Variants in GPR39 observed in about 807,000 individuals in gnomAD.
GPR39 encodes the protein G protein-coupled receptor 39, also known as zinc sensing receptor.
A neutral mutation model predicts 18.4 loss-of-function variants in GPR39; 23 were observed. That is an observed-to-expected ratio of 1.25 (90% confidence interval 0.90 to 1.77). The LOEUF is 1.77. Among genes scored for constraint, GPR39 ranks in the 40% most tolerant of loss-of-function variants. The pLI is 0.00. For missense variants in GPR39, 647 were observed against 602.4 expected (o/e 1.07, Z -0.78); for synonymous variants, 280 against 257.9 (o/e 1.09, Z -0.82).
intron 1 of GPR39, among the ~76,000 whole-genome samples, chr2:132,559,857 C>G (rs1018558557): frequency 1.3e-5 from 2 of 152,092 alleles, no homozygotes; most frequent in Non-Finnish European, 1.5e-5. Flanking sequence ...GAGTACATTT[C>G]TAACAAGTTC....
At chr2:132,492,652 T>TATATATACACACCATATATATATAAA (rs1681507288) in intron 1 of GPR39, among the ~76,000 whole-genome samples, 1 of 136,664 alleles carries the variant, frequency 7.3e-6, no homozygotes, top group Non-Finnish European at 1.5e-5. Flanking sequence ...CTATATATAA[T>TATATATACACACCATATATATATAAA]ATATATACAC....
chr2:132,431,099 G>T (rs1191684435), intron 1 of GPR39, among the ~76,000 whole-genome samples: 4 of 152,140 alleles, frequency 2.6e-5, no homozygotes, highest in Non-Finnish European at 5.9e-5. Context: ...CATGTCTCCT[G>T]CCTTGTAAGC....
intron 1 of GPR39, among the ~76,000 whole-genome samples, chr2:132,495,674 T>C (rs1266875174): frequency 2.6e-5 from 4 of 152,150 alleles, no homozygotes; most frequent in African/African-American, 9.7e-5. Flanking sequence ...GTTTCAAATT[T>C]CCTGCCAGGG....
chr2:132,520,291 G>A (rs927436808), intron 1 of GPR39, among the ~76,000 whole-genome samples: 3 of 152,190 alleles, frequency 2.0e-5, no homozygotes, highest in Admixed American at 6.5e-5. Context: ...TCAAATATAT[G>A]CACATCAATC....
intron 1 of GPR39, among the ~76,000 whole-genome samples, chr2:132,527,362 C>G (rs948906938): frequency 1.3e-5 from 2 of 152,080 alleles, no homozygotes; most frequent in African/African-American, 4.8e-5. Flanking sequence ...TGGGTTGGTT[C>G]TTTGTCTTTG....
chr2:132,578,067 GTTTT>G (rs34297392), intron 1 of GPR39, among the ~76,000 whole-genome samples: 1 of 131,756 alleles, frequency 7.6e-6, no homozygotes, highest in African/African-American at 2.8e-5. Flanking sequence ...TTTTTCTAGA[GTTTT>G]TTTTTTTTTT....
chr2:132,455,976 C>G (rs932306983), intron 1 of GPR39, among the ~76,000 whole-genome samples: 1 of 152,152 alleles, frequency 6.6e-6, no homozygotes, highest in African/African-American at 2.4e-5. Context: ...GTGGAGAATT[C>G]TGTAGATGTC....
At chr2:132,461,505 A>T (rs184176649) in intron 1 of GPR39, among the ~76,000 whole-genome samples, 1 of 152,348 alleles carries the variant, frequency 6.6e-6, no homozygotes, top group East Asian at 1.9e-4. Flanking sequence ...ATCAAGAAAC[A>T]TTTAAAATAA....
intron 1 of GPR39, among the ~76,000 whole-genome samples, chr2:132,578,928 A>G (rs533243167): frequency 3.3e-5 from 5 of 152,086 alleles, no homozygotes; most frequent in African/African-American, 1.2e-4. Context: ...TCAAAGAAAC[A>G]GCTATTTTTA....
intron 1 of GPR39, among the ~76,000 whole-genome samples, chr2:132,433,455 T>C (rs1484445744): frequency 1.3e-5 from 2 of 152,070 alleles, no homozygotes; most frequent in African/African-American, 4.8e-5. Context: ...AGTGATCTCG[T>C]GGGCTTCTCA....
chr2:132,636,070 A>C (rs940294579), intron 1 of GPR39, among the ~76,000 whole-genome samples: 3 of 152,154 alleles, frequency 2.0e-5, no homozygotes, highest in African/African-American at 7.2e-5. Flanking sequence ...GTTGATGAGT[A>C]CACCCCATAT....
At chr2:132,614,818 G>A (rs976251516) in intron 1 of GPR39, among the ~76,000 whole-genome samples, 2 of 152,042 alleles carry the variant, frequency 1.3e-5, no homozygotes, top group African/African-American at 4.8e-5. Context: ...TGGGATTACA[G>A]GCATGAGCCA....
intron 1 of GPR39, among the ~76,000 whole-genome samples, chr2:132,587,451 G>A (rs915374275): frequency 6.6e-6 from 1 of 152,214 alleles, no homozygotes; most frequent in Non-Finnish European, 1.5e-5. Context: ...GTGTATATTT[G>A]TTGTTACTTG....
intron 1 of GPR39, among the ~76,000 whole-genome samples, chr2:132,425,070 G>A (rs1000432057): frequency 6.6e-6 from 1 of 152,146 alleles, no homozygotes; most frequent in African/African-American, 2.4e-5. Context: ...ATTGCTCAAT[G>A]GTCTATTCGT....
chr2:132,506,747 C>A lies in GPR39; in HGVS notation c.856+88849C>A, dbSNP rs2104754957. Among the ~76,000 whole-genome samples the A allele has an allele frequency of 1.3e-5, 2 of 152,280 alleles. 1 individual carries two copies. Among genetic ancestry groups the A allele is most frequent in the South Asian group, 4.1e-4 (2 of 4,820 alleles). On this transcript the variant is annotated intron_variant, in intron 1 of 1. Coordinates refer to ENST00000329321, the MANE Select transcript of GPR39 (RefSeq NM_001508.3). ...ATTATCTAATTACCTCCCACCAGAT[C>A]CCTCCCATGACATGCGAGGATTAGG... is the stretch of plus-strand genomic sequence containing the variant.
At chr2:132,488,246 A>G (rs1157551513) in intron 1 of GPR39, among the ~76,000 whole-genome samples, 1 of 152,236 alleles carries the variant, frequency 6.6e-6, no homozygotes, top group Non-Finnish European at 1.5e-5. Flanking sequence ...GTTCTTCAAC[A>G]TCTCAACTTG....
At chr2:132,585,957 T>TTTTG (rs1558848872) in intron 1 of GPR39, among the ~76,000 whole-genome samples, 1 of 138,514 alleles carries the variant, frequency 7.2e-6, no homozygotes. Context: ...GGTTTTTTTT[T>TTTTG]TTTTTTTTTT....
At chr2:132,621,003 C>T (rs1181206956) in intron 1 of GPR39, among the ~76,000 whole-genome samples, 1 of 152,176 alleles carries the variant, frequency 6.6e-6, no homozygotes, top group Non-Finnish European at 1.5e-5. Context: ...CCACCCACCT[C>T]GGCCTCCCAA....
At chr2:132,625,510 A>G (rs1681526421) in intron 1 of GPR39, among the ~76,000 whole-genome samples, 2 of 152,216 alleles carry the variant, frequency 1.3e-5, no homozygotes, top group Non-Finnish European at 2.9e-5. Context: ...TTCTCGGCAC[A>G]TAGTGCATTC....
Sources: allele counts gnomAD v4.1 joint callset (sites outside exome capture counted in the v4.1 genomes callset), GRCh38; gene constraint gnomAD v4.1.1; transcripts MANE v1.5; gene names NCBI Gene and HGNC (gene_info 2026-07-23, HGNC 2026-07-21).